The following PEBP4 variants were observed in gnomAD, a reference collection of about 807,000 sequenced individuals.
PEBP4 encodes phosphatidylethanolamine-binding protein 4.
In PEBP4, 22 loss-of-function variants were observed where a neutral mutation model predicts 23.9. That is an observed-to-expected ratio of 0.92 (90% confidence interval 0.66 to 1.31). PEBP4 has a LOEUF of 1.31. Ranked by LOEUF, PEBP4 falls within the 40% of genes most tolerant of loss-of-function variation. The pLI, the probability that PEBP4 is intolerant of heterozygous loss-of-function variation, is 0.00. For synonymous variants in PEBP4, 112 were observed against 99.3 expected (o/e 1.13, Z -0.76); for missense variants, 324 against 281.7 (o/e 1.15, Z -1.07).
intron 4 of PEBP4, among the ~76,000 whole-genome samples, chr8:22,740,042 A>G (rs1386232048): frequency 6.6e-6 from 1 of 152,034 alleles, no homozygotes; most frequent in Non-Finnish European, 1.5e-5. Flanking sequence ...TTAGGTTTCC[A>G]TACTTGGCTC....
chr8:22,781,226 T>A (rs1402557147), intron 4 of PEBP4, among the ~76,000 whole-genome samples: 1 of 152,298 alleles, frequency 6.6e-6, no homozygotes, highest in Middle Eastern at 3.4e-3. Context: ...TGGATGCCCT[T>A]GGCAGTGGAA....
chr8:22,919,351 G>A (rs1028838660), intron 3 of PEBP4, among the ~76,000 whole-genome samples: 1 of 152,172 alleles, frequency 6.6e-6, no homozygotes, highest in South Asian at 2.1e-4. Flanking sequence ...GTCCTGCCTA[G>A]ATTGACAGCA....
intron 6 of PEBP4, 35 bp from the exon 7 acceptor site, chr8:22,713,571 G>A (rs777833249): frequency 3.7e-5 from 59 of 1,613,688 alleles, no homozygotes; most frequent in Admixed American, 2.8e-4. Flanking sequence ...GAGGCAGTGA[G>A]AAAGAGCCAT....
intron 4 of PEBP4, among the ~76,000 whole-genome samples, chr8:22,743,616 A>T (rs1190361667): frequency 6.6e-6 from 1 of 152,158 alleles, no homozygotes; most frequent in African/African-American, 2.4e-5. Context: ...TCTGGTTGAG[A>T]CAAAGTGAGG....
chr8:22,855,689 A>C (rs1031134722), intron 3 of PEBP4, among the ~76,000 whole-genome samples: 4 of 152,206 alleles, frequency 2.6e-5, no homozygotes, highest in African/African-American at 4.8e-5. Flanking sequence ...TATAAAGGAA[A>C]AAGACTTATT....
At chr8:22,844,097 C>T (rs982839411) in intron 3 of PEBP4, among the ~76,000 whole-genome samples, 1 of 152,168 alleles carries the variant, frequency 6.6e-6, no homozygotes, top group Non-Finnish European at 1.5e-5. Context: ...CACCAAGATT[C>T]GGCCCCGGAA....
intron 3 of PEBP4, among the ~76,000 whole-genome samples, chr8:22,863,239 GACAA>G (rs1285505182): frequency 6.6e-6 from 1 of 152,134 alleles, no homozygotes; most frequent in African/African-American, 2.4e-5. Flanking sequence ...TGCCCCAGTA[GACAA>G]AGCTGCTGAA....
At chr8:22,726,581 A>G (rs570087387) in intron 5 of PEBP4, among the ~76,000 whole-genome samples, 17 of 152,314 alleles carry the variant, frequency 1.1e-4, no homozygotes, top group African/African-American at 3.6e-4. Context: ...ATGCTAGACC[A>G]CTTCTCCGGG....
chr8:22,901,285 G>A (rs190525343), intron 3 of PEBP4, among the ~76,000 whole-genome samples: 7 of 152,178 alleles, frequency 4.6e-5, no homozygotes, highest in South Asian at 2.1e-4. Flanking sequence ...ACAGTGACAC[G>A]AAATAGATGA....
chr8:22,857,682 C>T (rs968206039), intron 3 of PEBP4, among the ~76,000 whole-genome samples: 1 of 151,986 alleles, frequency 6.6e-6, no homozygotes. Context: ...GAGTCCAGGA[C>T]CAAAGAGGGA....
intron 3 of PEBP4, among the ~76,000 whole-genome samples, chr8:22,850,252 G>C (rs551289113): frequency 6.6e-5 from 10 of 152,152 alleles, no homozygotes; most frequent in Non-Finnish European, 1.3e-4. Flanking sequence ...GAGTTGATGA[G>C]ACCCTCCTGA....
At chr8:22,904,490 C>T (rs915708310) in intron 3 of PEBP4, among the ~76,000 whole-genome samples, 1 of 152,178 alleles carries the variant, frequency 6.6e-6, no homozygotes, top group African/African-American at 2.4e-5. Context: ...GAAGCCTTTT[C>T]CTCTTAGCGT....
Position 22,854,926 on chromosome 8 carries a change from A to ATGTGTGTG in PEBP4, c.259-37199_259-37192dup, listed in dbSNP as rs113480248. ...TAACTAGCAGAAGGGTGAGATTAGA[A>ATGTGTGTG]TGTGTGTGTGTGTGTGTGTGTGTGT... is the stretch of plus-strand genomic sequence containing the variant. On this transcript the variant is annotated intron_variant, in intron 3 of 6. Coordinates refer to ENST00000256404, the MANE Select transcript of PEBP4 (RefSeq NM_144962.3). Among the ~76,000 whole-genome samples the ATGTGTGTG allele has an allele frequency of 8.6e-4, 114 of 133,318 alleles. 1 individual carries two copies. Among genetic ancestry groups the ATGTGTGTG allele is most frequent in the Middle Eastern group, 3.8e-3 (1 of 266 alleles). The allele number at this position is 133,318 out of a possible 152,430, so 87.5% of individuals were successfully genotyped here. A position where few individuals can be genotyped will look rare whatever the true frequency, so the allele number is the denominator to read the frequency against.
Position 22,831,526 on chromosome 8 carries a change from C to G in PEBP4, c.259-13791G>C, listed in dbSNP as rs182351151. Among the ~76,000 whole-genome samples, 689 of 152,258 alleles carry G rather than the reference C, an allele frequency of 4.5e-3. 6 individuals are homozygous for G. The highest frequency in any genetic ancestry group is 0.017 in the Middle Eastern group (5 of 294). On this transcript the variant is annotated intron_variant, in intron 3 of 6. Coordinates refer to ENST00000256404, the MANE Select transcript of PEBP4 (RefSeq NM_144962.3). ...GATTGAGCTCTTTTCATATACTAAG[C>G]ACCATGCTAAGGGCTTGGGATAAGA...
In PEBP4 at chr8:22,833,735, G is replaced by C. The variant is rs113214988; in HGVS notation, c.259-16000C>G. ...ATTAGTGGAGAGCCATTTTCTCCAA[G>C]GCAATGGTCTCACCCCTGCCTTAAT... On this transcript the variant is annotated intron_variant, in intron 3 of 6. Transcript: ENST00000256404. 3.9e-3 allele frequency among the ~76,000 whole-genome samples: 590 copies of C among 152,326 alleles called. 3 individuals are homozygous for C. Among genetic ancestry groups the C allele is most frequent in the African/African-American group, 0.014 (571 of 41,568 alleles).
intron 3 of PEBP4, among the ~76,000 whole-genome samples, chr8:22,869,852 G>C (rs1017505741): frequency 6.6e-6 from 1 of 152,148 alleles, no homozygotes; most frequent in East Asian, 1.9e-4. Flanking sequence ...AAACAACAAT[G>C]ACATACCACT....
intron 3 of PEBP4, among the ~76,000 whole-genome samples, chr8:22,839,109 G>C (rs1478537353): frequency 6.6e-6 from 1 of 152,226 alleles, no homozygotes; most frequent in Non-Finnish European, 1.5e-5. Context: ...GGAGCTAGCA[G>C]CAGGTTTCCA....
intron 3 of PEBP4, among the ~76,000 whole-genome samples, chr8:22,878,831 C>T (rs976073424): frequency 6.6e-6 from 1 of 152,222 alleles, no homozygotes; most frequent in African/African-American, 2.4e-5. Context: ...TGCATTTTAA[C>T]TGTCATCACA....
At chr8:22,833,281 A>G (rs1299741217) in intron 3 of PEBP4, among the ~76,000 whole-genome samples, 1 of 152,148 alleles carries the variant, frequency 6.6e-6, no homozygotes. Context: ...GTTATCCATC[A>G]AGCCTATCTG....
Sources: allele counts gnomAD v4.1 joint callset (sites outside exome capture counted in the v4.1 genomes callset), GRCh38; gene constraint gnomAD v4.1.1; transcripts MANE v1.5; gene names NCBI Gene and HGNC (gene_info 2026-07-23, HGNC 2026-07-21).